The following NALF1 variants were observed in gnomAD, a reference collection of about 807,000 sequenced individuals.
NALF1 encodes the protein NALCN channel auxiliary factor 1, also known as family with sequence similarity 155 member A.
NALF1 carries 3 observed loss-of-function variants against 48.4 expected under a neutral mutation model. That is an observed-to-expected ratio of 0.06 (90% CI 0.03 to 0.16). The LOEUF is 0.16. NALF1 is among the 10% of genes least tolerant of loss of function. The pLI, the probability that NALF1 is intolerant of heterozygous loss-of-function variation, is 1.00. For synonymous variants in NALF1, 262 were observed against 245.7 expected, an observed-to-expected ratio of 1.07 and a Z score of -0.62; for missense variants, 526 against 571.5, an observed-to-expected ratio of 0.92 and a Z score of 0.81.
intron 1 of NALF1, among the ~76,000 whole-genome samples, chr13:107,603,629 A>T (rs1436296348): frequency 6.6e-6 from 1 of 152,198 alleles, no homozygotes; most frequent in Non-Finnish European, 1.5e-5. Context: ...ACAGAGAGGC[A>T]ATTTAAAATC....
chr13:107,308,653 G>A (rs536201106), intron 1 of NALF1, among the ~76,000 whole-genome samples: 6 of 152,246 alleles, frequency 3.9e-5, no homozygotes, highest in South Asian at 2.1e-4. Context: ...GATAAAAGGC[G>A]TGAAACAATA....
chr13:107,738,867 C>T (rs1384195636), intron 1 of NALF1, among the ~76,000 whole-genome samples: 11 of 152,026 alleles, frequency 7.2e-5, no homozygotes, highest in Non-Finnish European at 1.0e-4. Flanking sequence ...TTTCACCATG[C>T]TTGCCAGGCT....
intron 1 of NALF1, among the ~76,000 whole-genome samples, chr13:107,419,390 A>G (rs888043003): frequency 6.6e-6 from 1 of 152,258 alleles, no homozygotes; most frequent in Non-Finnish European, 1.5e-5. Flanking sequence ...CATGATTCAC[A>G]CAATATCGCT....
chr13:107,734,727 T>C (rs560825039), intron 1 of NALF1, among the ~76,000 whole-genome samples: 10 of 152,266 alleles, frequency 6.6e-5, no homozygotes, highest in Admixed American at 2.6e-4. Context: ...TTCATGTGAA[T>C]ATTGTGAAGA....
intron 2 of NALF1, among the ~76,000 whole-genome samples, chr13:107,188,245 T>A (rs1206704669): frequency 6.6e-6 from 1 of 152,212 alleles, no homozygotes; most frequent in Non-Finnish European, 1.5e-5. Flanking sequence ...ATGAATGTTA[T>A]CTATAATTTA....
At chr13:107,257,954 T>G (rs1880853354) in intron 1 of NALF1, among the ~76,000 whole-genome samples, 1 of 152,220 alleles carries the variant, frequency 6.6e-6, no homozygotes, top group African/African-American at 2.4e-5. Context: ...CTTTACATAG[T>G]GAAATAGGCT....
At chr13:107,379,503 G>T (rs2138972306) in intron 1 of NALF1, among the ~76,000 whole-genome samples, 1 of 152,274 alleles carries the variant, frequency 6.6e-6, no homozygotes. Flanking sequence ...ATTTAAGTCT[G>T]AGATGCAAGT....
chr13:107,723,439 T>C (rs199545125), intron 1 of NALF1, among the ~76,000 whole-genome samples: 12 of 144,670 alleles, frequency 8.3e-5, no homozygotes, highest in Admixed American at 3.8e-4. Flanking sequence ...CACACACACA[T>C]ACGGTATACA....
chr13:107,715,094 T>A (rs1297611872), intron 1 of NALF1, among the ~76,000 whole-genome samples: 4 of 152,196 alleles, frequency 2.6e-5, no homozygotes, highest in African/African-American at 9.6e-5. Flanking sequence ...AGTAATCACA[T>A]CAGGATAATC....
Position 107,842,984 on chromosome 13 carries a change from G to GA in NALF1, c.915+22697dup, listed in dbSNP as rs536368918. Among the ~76,000 whole-genome samples, 48 of 152,226 alleles carry GA rather than the reference G, an allele frequency of 3.2e-4. 1 individual carries two copies. The South Asian group carries it at 5.6e-3, about 18-fold the overall frequency. On this transcript the variant is annotated intron_variant, in intron 1 of 2. Transcript: ENST00000375915. The stretch of plus-strand genomic sequence containing the variant: ...TCATCCAGATGTTCCCCAAGCCATA[G>GA]AAGCACTCAGGCTCCATGGGTCATG...
intron 1 of NALF1, among the ~76,000 whole-genome samples, chr13:107,556,458 C>A (rs11069692): frequency 6.6e-6 from 1 of 151,648 alleles, no homozygotes; most frequent in Non-Finnish European, 1.5e-5. Flanking sequence ...CAGAGCCACA[C>A]TGAATTCATT....
At chr13:107,826,406 C>T (rs1408057561) in intron 1 of NALF1, among the ~76,000 whole-genome samples, 1 of 152,156 alleles carries the variant, frequency 6.6e-6, no homozygotes, top group African/African-American at 2.4e-5. Context: ...AGTTCAAGAG[C>T]TGCCAAGCCC....
chr13:107,769,764 A>C (rs1877525454), intron 1 of NALF1, among the ~76,000 whole-genome samples: 1 of 152,038 alleles, frequency 6.6e-6, no homozygotes, highest in Non-Finnish European at 1.5e-5. Flanking sequence ...TATATAATCC[A>C]CCAGTCCCTG....
intron 2 of NALF1, among the ~76,000 whole-genome samples, chr13:107,177,713 C>G (rs1878966453): frequency 6.6e-6 from 1 of 152,294 alleles, no homozygotes; most frequent in East Asian, 1.9e-4. Flanking sequence ...TGAAACTAGA[C>G]TCCTATTTCT....
At chr13:107,206,199 T>C (rs1879636252) in intron 2 of NALF1, among the ~76,000 whole-genome samples, 1 of 152,198 alleles carries the variant, frequency 6.6e-6, no homozygotes, top group Non-Finnish European at 1.5e-5. Context: ...GTGTCAGTTT[T>C]ATTCTTTAAT....
At chr13:107,463,329 A>T (rs1195067605) in intron 1 of NALF1, among the ~76,000 whole-genome samples, 1 of 152,238 alleles carries the variant, frequency 6.6e-6, no homozygotes, top group Non-Finnish European at 1.5e-5. Context: ...TTAGACTCCA[A>T]GGTTTGTGTT....
chr13:107,569,612 T>C (rs1178801954), intron 1 of NALF1, among the ~76,000 whole-genome samples: 3 of 152,236 alleles, frequency 2.0e-5, no homozygotes, highest in Admixed American at 6.5e-5. Flanking sequence ...TATCGTTCTG[T>C]TGGGGGTGCA....
At chr13:107,419,126 A>C (rs972439126) in intron 1 of NALF1, among the ~76,000 whole-genome samples, 3 of 152,218 alleles carry the variant, frequency 2.0e-5, no homozygotes, top group African/African-American at 7.2e-5. Context: ...ACTAAGCTGC[A>C]TATGTGTTGA....
chr13:107,311,378 T>C (rs1210974624), intron 1 of NALF1, among the ~76,000 whole-genome samples: 1 of 152,176 alleles, frequency 6.6e-6, no homozygotes, highest in Non-Finnish European at 1.5e-5. Flanking sequence ...CTTCTTTAAT[T>C]TGAAAACTGT....
Sources: gnomAD v4.1 joint callset for allele counts (sites outside exome capture counted in the v4.1 genomes callset) on GRCh38, gnomAD v4.1.1 for gene constraint, MANE v1.5 for transcripts, NCBI Gene and HGNC (gene_info 2026-07-23, HGNC 2026-07-21) for gene names.